PHYHIPL: variants seen among roughly 807,000 people sequenced by gnomAD.
PHYHIPL encodes the protein phytanoyl-CoA hydroxylase-interacting protein-like.
In PHYHIPL, 9 loss-of-function variants were observed where a neutral mutation model predicts 33.4. That is an observed-to-expected ratio of 0.27 (90% CI 0.16 to 0.47). The LOEUF (loss-of-function observed/expected upper bound fraction) is 0.47. Among genes scored for constraint, PHYHIPL ranks in the 20% least tolerant of loss-of-function variants. The probability of loss-of-function intolerance (pLI) is 0.99; values close to 1 mark genes in which losing one functional copy is unlikely to be tolerated. For synonymous variants in PHYHIPL, 153 were observed against 154.1 expected, an observed-to-expected ratio of 0.99 and a Z score of 0.05; for missense variants, 365 against 460.7, an observed-to-expected ratio of 0.79 and a Z score of 1.90.
At chr10:59,229,632 G>C (rs1840021201) in intron 1 of PHYHIPL, among the ~76,000 whole-genome samples, 1 of 152,050 alleles carries the variant, frequency 6.6e-6, no homozygotes, top group Non-Finnish European at 1.5e-5. Context: ...CAGATTCAGA[G>C]AGTCTCCAGG....
rs1262877462 is a variant in PHYHIPL, at chr10:59,241,749, G to GAT, written c.596+3045_596+3046dup. On this transcript the variant is annotated intron_variant, in intron 4 of 4. Transcript: ENST00000373880. Reference sequence around the variant, plus strand: ...ATTTTGAACAGGGACAAGATGGGTAGATTCTCTTTTCCTTATTTCGCCCAC... The same window carrying GAT: ...ATTTTGAACAGGGACAAGATGGGTAGATATTCTCTTTTCCTTATTTCGCCCAC... Among the ~76,000 whole-genome samples, 15 of 152,240 alleles carry GAT rather than the reference G, an allele frequency of 9.9e-5. No individual in the cohort carries two copies. In the East Asian group the frequency reaches 2.3e-3, roughly 24 times the overall value.
At position 59,245,847 on chromosome 10, in the gene PHYHIPL, C is replaced by CAATGTTTTTA. The variant is rs1840652041; in HGVS notation, c.*257_*266dup. 2.3e-6 allele frequency: 1 copy of CAATGTTTTTA among 428,496 alleles called. No homozygotes were observed. Among genetic ancestry groups the CAATGTTTTTA allele is most frequent in the African/African-American group, 2.0e-5 (1 of 49,888 alleles). The allele number at this position is 428,496 out of a possible 1,614,324, so 26.5% of individuals were successfully genotyped here. A position where few individuals can be genotyped will look rare whatever the true frequency, so the allele number is the denominator to read the frequency against. On this transcript the variant is annotated 3_prime_UTR_variant, in exon 5 of 5. Transcript: ENST00000373880. ...TTGACACTTTATTGCCTAGATGCTG[C>CAATGTTTTTA]AATGTTTTTATGTTTCCTTTATGCC...
intron 1 of PHYHIPL, 21 bp downstream of exon 1, chr10:59,176,980 G>T: frequency 6.2e-7 from 1 of 1,605,392 alleles, no homozygotes. Context: ...CCGGGACCGC[G>T]AGGAAAGGGA....
chr10:59,241,118 T>G (rs1406577642), intron 4 of PHYHIPL, among the ~76,000 whole-genome samples: 2 of 152,124 alleles, frequency 1.3e-5, no homozygotes, highest in Admixed American at 6.6e-5. Flanking sequence ...TCAACATTGC[T>G]TTTTTAAGAA....
chr10:59,244,256 C>A (rs948176342), intron 4 of PHYHIPL, among the ~76,000 whole-genome samples: 9 of 152,076 alleles, frequency 5.9e-5, no homozygotes, highest in African/African-American at 2.2e-4. Flanking sequence ...AACCTGATTA[C>A]TGTCCTTGGG....
In PHYHIPL at chr10:59,176,732, C is replaced by G; in HGVS notation, c.-122C>G. ...CGCCTCAGCCTCGGCGCCGCATCACCGCGTCCCAGGCCTCCTTCCCTCCCT... is the reference window on the plus strand; with the variant it reads ...CGCCTCAGCCTCGGCGCCGCATCACGGCGTCCCAGGCCTCCTTCCCTCCCT... On this transcript the variant is annotated 5_prime_UTR_variant, in exon 1 of 5. Transcript: ENST00000373880. 1.1e-6 allele frequency: 1 copy of G among 879,122 alleles called. No homozygotes were observed. The highest frequency in any genetic ancestry group is 1.7e-6 in the Non-Finnish European group (1 of 588,754). 54.5% of individuals were successfully genotyped at this position (879,122 alleles called of 1,614,324 possible).
Position 59,219,892 on chromosome 10 carries a change from C to T in PHYHIPL, c.107-14412C>T, listed in dbSNP as rs529983932. On this transcript the variant is annotated intron_variant, in intron 1 of 4. Transcript: ENST00000373880. The stretch of plus-strand genomic sequence containing the variant: ...GGTATTAAACACAAAATACAGGTCC[C>T]TACTGAAGTCATGTAAAAATAACAA... Among the ~76,000 whole-genome samples, 4 of 152,142 alleles carry T rather than the reference C, an allele frequency of 2.6e-5. No homozygotes were observed. The South Asian group carries it at 8.3e-4, about 32-fold the overall frequency.
intron 1 of PHYHIPL, chr10:59,177,318 G>A: frequency 1.4e-6 from 1 of 711,120 alleles, no homozygotes; most frequent in Non-Finnish European, 2.2e-6. Flanking sequence ...GCACTGAAGG[G>A]GAAATGCCCT....
intron 1 of PHYHIPL, among the ~76,000 whole-genome samples, chr10:59,196,251 T>C (rs1458087281): frequency 6.6e-6 from 1 of 151,920 alleles, no homozygotes; most frequent in Non-Finnish European, 1.5e-5. Context: ...TTTAGTAAAA[T>C]GTTTTTATTC....
At chr10:59,190,001 C>T (rs1838739174) in intron 1 of PHYHIPL, among the ~76,000 whole-genome samples, 1 of 151,888 alleles carries the variant, frequency 6.6e-6, no homozygotes, top group African/African-American at 2.4e-5. Flanking sequence ...GATTTATTAT[C>T]TTAGATTTCA....
intron 4 of PHYHIPL, among the ~76,000 whole-genome samples, chr10:59,243,225 G>A (rs935019022): frequency 3.2e-4 from 48 of 151,920 alleles, no homozygotes; most frequent in African/African-American, 9.9e-4. Flanking sequence ...AAATTACCTA[G>A]CAAAAGAAAG....
intron 1 of PHYHIPL, among the ~76,000 whole-genome samples, chr10:59,223,886 C>G (rs11006403): frequency 6.6e-6 from 1 of 152,198 alleles, no homozygotes; most frequent in Admixed American, 6.5e-5. Context: ...TCTTGAACTC[C>G]TAGGTTCAGG....
chr10:59,238,405 A>C (rs930744857), intron 3 of PHYHIPL, among the ~76,000 whole-genome samples, 183 bp from the exon 4 acceptor site: 3 of 152,014 alleles, frequency 2.0e-5, no homozygotes, highest in African/African-American at 7.2e-5. Flanking sequence ...CATAACAAAA[A>C]TATTTTTGTA....
intron 1 of PHYHIPL, among the ~76,000 whole-genome samples, chr10:59,198,202 C>T (rs532110705): frequency 3.3e-5 from 5 of 152,116 alleles, no homozygotes; most frequent in Admixed American, 6.6e-5. Flanking sequence ...ATCCCTCCCC[C>T]CTACCCCCAC....
intron 1 of PHYHIPL, among the ~76,000 whole-genome samples, chr10:59,180,316 A>ATGTGTGTGTG (rs1219566088): frequency 2.5e-3 from 15 of 5,892 alleles, no homozygotes; most frequent in African/African-American, 9.0e-3. Context: ...TAGAAAAAGT[A>ATGTGTGTGTG]TATATATATA....
In PHYHIPL at chr10:59,245,476, A is replaced by C. The variant is rs753724764; in HGVS notation, c.1016A>C (p.Asp339Ala). 113 of 1,613,966 alleles carry C rather than the reference A, an allele frequency of 7.0e-5. No homozygotes were observed. Among genetic ancestry groups the C allele is most frequent in the Non-Finnish European group, 8.9e-5 (105 of 1,180,030 alleles). Residue 339 changes from aspartate to alanine, a missense_variant, in exon 5 of 5, where the codon GAT (aspartate) becomes GCT (alanine). Asp to Ala is a moderately radical substitution (Grantham distance 126). Transcript: ENST00000373880. ...ILEVIYTDPV[D>A]LSVGTVAEIT... ...GAAGTCATTTACACTGACCCTGTGG[A>C]TCTTTCTGTGGGCACCGTGGCAGAA...
chr10:59,247,714 A>G lies in PHYHIPL; in HGVS notation c.*2123A>G. 6.2e-7 allele frequency: 1 copy of G among 1,612,742 alleles called. No individual in the cohort carries two copies. The highest frequency in any genetic ancestry group is 8.5e-7 in the Non-Finnish European group (1 of 1,179,358). ...TTCATAATACTCATCTGCCATTGGT[A>G]TCCTATCTTCCTTTTGTGGACTTCT... On this transcript the variant is annotated 3_prime_UTR_variant, in exon 5 of 5. Coordinates refer to ENST00000373880, the MANE Select transcript of PHYHIPL (RefSeq NM_032439.4).
chr10:59,199,093 G>A (rs1297586436), intron 1 of PHYHIPL, among the ~76,000 whole-genome samples: 8 of 152,076 alleles, frequency 5.3e-5, no homozygotes, highest in Non-Finnish European at 1.2e-4. Context: ...GGCTTTTATT[G>A]CCATTGCTTT....
At chr10:59,239,179 G>A (rs1445815480) in intron 4 of PHYHIPL, among the ~76,000 whole-genome samples, 2 of 151,812 alleles carry the variant, frequency 1.3e-5, no homozygotes, top group African/African-American at 4.8e-5. Context: ...TGTTTTTCAG[G>A]CTGCTGATAA....
Sources: gnomAD v4.1 joint callset for allele counts (sites outside exome capture counted in the v4.1 genomes callset) on GRCh38, gnomAD v4.1.1 for gene constraint, MANE v1.5 for transcripts, NCBI Gene and HGNC (gene_info 2026-07-23, HGNC 2026-07-21) for gene names.